The following FBXL6 variants were observed in gnomAD, a reference collection of about 807,000 sequenced individuals.
FBXL6 encodes F-box/LRR-repeat protein 6.
Under a neutral mutation model 53.3 loss-of-function variants are expected in FBXL6, and 50 were observed. The observed-to-expected ratio is 0.94, with a 90% CI of 0.75 to 1.19. The LOEUF (loss-of-function observed/expected upper bound fraction) is 1.19, where lower values mean the gene tolerates loss of function less well. FBXL6 is among the 50% of genes most tolerant of loss of function. FBXL6 has a pLI of 0.00. For synonymous variants in FBXL6, 405 were observed against 322.9 expected, an observed-to-expected ratio of 1.25 and a Z score of -2.73; for missense variants, 815 against 719.0, an observed-to-expected ratio of 1.13 and a Z score of -1.53.
chr8:144,356,436 C>G lies in FBXL6; in HGVS notation c.1089G>C (p.Leu363=), dbSNP rs1554852797. Residue 363 remains leucine (L), a synonymous_variant, in exon 7 of 9, where the codon CTG becomes CTC. Transcript: ENST00000331890. ...TCACAAAGTTGCAGGTTGAGCTCGC[C>G]AGGCAGAGCTCCTCTAGGCTAGGGA... ...PGFPSLEELC[L]ASSTCNFVSN... is the part of the protein sequence containing the mutation. 6.2e-7 allele frequency: 1 copy of G among 1,613,078 alleles called. No homozygotes were observed. Among genetic ancestry groups the G allele is most frequent in the East Asian group, 2.2e-5 (1 of 44,886 alleles).
In FBXL6 at chr8:144,356,545, C is replaced by G; in HGVS notation, c.994-14G>C. On this transcript the variant is annotated splice_polypyrimidine_tract_variant and intron_variant, in intron 6 of 8. Transcript: ENST00000331890. ...CAGCCGCAGCACCTGGGGGCAAGGTCCAGGCTGTAGATGGGGGAGGGTGTG... is the reference window on the plus strand; with the variant it reads ...CAGCCGCAGCACCTGGGGGCAAGGTGCAGGCTGTAGATGGGGGAGGGTGTG... The G allele has an allele frequency of 6.2e-7, 1 of 1,612,922 alleles. No homozygotes were observed. Among genetic ancestry groups the G allele is most frequent in the Non-Finnish European group, 8.5e-7 (1 of 1,179,904 alleles).
Position 144,355,962 on chromosome 8 carries a change from G to A in FBXL6, c.1472+6C>T. 1 of 1,611,144 alleles carries A rather than the reference G, an allele frequency of 6.2e-7. No homozygotes were observed. Among genetic ancestry groups the A allele is most frequent in the African/African-American group, 1.3e-5 (1 of 75,028 alleles). On this transcript the variant is annotated splice_donor_region_variant and intron_variant, in intron 8 of 8. Coordinates refer to ENST00000331890, the MANE Select transcript of FBXL6 (RefSeq NM_012162.4). ...GGCTCCAGGGACTGGGGTAGGGGAT[G>A]CTGACCTGACAGTGCTTGGTGTGAC...
chr8:144,358,016 C>A lies in FBXL6; in HGVS notation c.416+16G>T. On this transcript the variant is annotated intron_variant, in intron 1 of 8. Transcript: ENST00000331890. ...CAAGCCGCTACGCTCGGCGGCGGGC[C>A]CGGCACCAGCGTTACCTGCCCAGGA... The A allele has an allele frequency of 6.3e-7, 1 of 1,581,720 alleles. No individual in the cohort carries two copies. Among genetic ancestry groups the A allele is most frequent in the Non-Finnish European group, 8.5e-7 (1 of 1,171,436 alleles).
Position 144,358,215 on chromosome 8 carries a change from G to A in FBXL6, c.233C>T (p.Ala78Val), listed in dbSNP as rs1238832910. Residue 78 changes from alanine (A) to valine (V), a missense_variant, in exon 1 of 9, where the codon GCG (alanine) becomes GTG (valine). Ala to Val is a moderately conservative substitution (Grantham distance 64). Transcript: ENST00000331890. ...PRQPPRGPSA[A>V]AKPKAGLRSE... ...CCTGAGCCCGGCCTTGGGCTTGGCC[G>A]CGGCGCTGGGGCCCCGGGGCGGCTG... is the stretch of plus-strand genomic sequence containing the variant. 2 of 1,216,840 alleles carry A rather than the reference G, an allele frequency of 1.6e-6. No individual in the cohort carries two copies. Among genetic ancestry groups the A allele is most frequent in the East Asian group, 3.4e-5 (1 of 29,758 alleles). 75.4% of individuals were successfully genotyped at this position (1,216,840 alleles called of 1,614,324 possible).
At position 144,357,797 on chromosome 8, in the gene FBXL6, A is replaced by G; in HGVS notation, c.417-11T>C. 6.5e-7 allele frequency: 1 copy of G among 1,537,248 alleles called. No individual in the cohort carries two copies. The highest frequency in any genetic ancestry group is 8.7e-7 in the Non-Finnish European group (1 of 1,145,038). The stretch of plus-strand genomic sequence containing the variant: ...CACACGCGCGCAGCCCTGGGAGGAC[A>G]GCGTGCTGAGGGTGCCGGCCCCTCC... On this transcript the variant is annotated splice_polypyrimidine_tract_variant and intron_variant, in intron 1 of 8. Coordinates refer to ENST00000331890, the MANE Select transcript of FBXL6 (RefSeq NM_012162.4).
chr8:144,357,526 C>G, intron 2 of FBXL6, 24 bp from the exon 3 acceptor site: 2 of 1,613,126 alleles, frequency 1.2e-6, no homozygotes, highest in East Asian at 2.2e-5. Context: ...GGAGGCAGAG[C>G]TGCACTAATG....
rs1554853119 is a variant in FBXL6, at chr8:144,357,451, G to A, written c.627C>T (p.His209=). 6.2e-7 allele frequency: 1 copy of A among 1,612,986 alleles called. No homozygotes were observed. Among genetic ancestry groups the A allele is most frequent in the Non-Finnish European group, 8.5e-7 (1 of 1,179,718 alleles). Residue 209 remains histidine, a synonymous_variant, in exon 3 of 9, where the codon CAC becomes CAT. Coordinates refer to ENST00000331890, the MANE Select transcript of FBXL6 (RefSeq NM_012162.4). ...CTGGAGCTCTCACCTTCAACACGGG[G>A]TGTACCTGAGACTTCCAGTGGATGA... ...LTLIHWKSQV[H]PVLKLVGECC... is the part of the protein sequence containing the mutation.
chr8:144,355,468 T>G lies in FBXL6; in HGVS notation c.*63A>C. ...TTTATTTTAACAAAATGCTCAAATA[T>G]CTGAAATTGGGCAAAGGTGGAGGGT... is the stretch of plus-strand genomic sequence containing the variant. On this transcript the variant is annotated 3_prime_UTR_variant, in exon 9 of 9. Transcript: ENST00000331890. 6.3e-7 allele frequency: 1 copy of G among 1,578,428 alleles called. No homozygotes were observed. Among genetic ancestry groups the G allele is most frequent in the South Asian group, 1.1e-5 (1 of 89,602 alleles).
chr8:144,356,120 A>G lies in FBXL6; in HGVS notation c.1320T>C (p.His440=), dbSNP rs1367558902. Residue 440 remains histidine, a synonymous_variant, in exon 8 of 9, where the codon CAT becomes CAC. Transcript: ENST00000331890. The stretch of plus-strand genomic sequence containing the variant: ...CACTCAAGTCCAGTTCTCGCAGTGT[A>G]TGGCACCACTTCTGGGTCAAAAAGG... ...GSPFLTQKWC[H]TLRELDLSGQ... The G allele has an allele frequency of 6.2e-7, 1 of 1,612,838 alleles. No individual in the cohort carries two copies. The highest frequency in any genetic ancestry group is 8.5e-7 in the Non-Finnish European group (1 of 1,180,012).
At position 144,358,339 on chromosome 8, in the gene FBXL6, A is replaced by AC; in HGVS notation, c.108dup (p.Tyr37ValfsTer181). On this transcript the variant is annotated frameshift_variant, in exon 1 of 9. Transcript: ENST00000331890. LOFTEE classifies it high-confidence loss of function. ...ATGCTGTCGGACTGCAGCAGGTGGT[A>AC]CCCCGAGCCCCTCGGCGCCAGCCGG... The AC allele has an allele frequency of 7.9e-7, 1 of 1,260,262 alleles. No homozygotes were observed. Among genetic ancestry groups the AC allele is most frequent in the Non-Finnish European group, 1.0e-6 (1 of 1,004,502 alleles). The allele number at this position is 1,260,262 out of a possible 1,614,324, so 78.1% of individuals were successfully genotyped here.
chr8:144,358,165 G>T lies in FBXL6; in HGVS notation c.283C>A (p.Pro95Thr). ...GGCGTGGGCGTGGGTGCCGGTGCGG[G>T]TGCGGGCGCGGCCGCCGCCTCGGAC... ...LRSEAAAAPAPAPAPTPTPEE... is the reference protein window; with the variant it reads ...LRSEAAAAPATAPAPTPTPEE... The change falls in exon 1 of 9, where the codon CCC becomes ACC. Residue 95 changes from proline to threonine, a missense_variant. Transcript: ENST00000331890. 1 of 1,499,390 alleles carries T rather than the reference G, an allele frequency of 6.7e-7. No individual in the cohort carries two copies. Among genetic ancestry groups the T allele is most frequent in the Admixed American group, 2.3e-5 (1 of 44,318 alleles). The allele number at this position is 1,499,390 out of a possible 1,614,324, so 92.9% of individuals were successfully genotyped here. A position where few individuals can be genotyped will look rare whatever the true frequency, so the allele number is the denominator to read the frequency against.
rs782643057 is a variant in FBXL6, at chr8:144,358,150, T to C, written c.298A>G (p.Thr100Ala). 107 of 1,540,386 alleles carry C rather than the reference T, an allele frequency of 6.9e-5. No homozygotes were observed. The highest frequency in any genetic ancestry group is 4.8e-4 in the East Asian group (18 of 37,758). The change falls in exon 1 of 9, where the codon ACG becomes GCG. Residue 100 changes from threonine (T) to alanine (A), a missense_variant. Coordinates refer to ENST00000331890, the MANE Select transcript of FBXL6 (RefSeq NM_012162.4). ...AAAPAPAPAP[T>A]PTPEEGPDAG... ...TCGGGCCCTTCCTCGGGCGTGGGCG[T>C]GGGTGCCGGTGCGGGTGCGGGCGCG...
chr8:144,355,828 A>AC (rs1818375822), intron 8 of FBXL6, 140 bp downstream of exon 8: 1 of 1,521,678 alleles, frequency 6.6e-7, no homozygotes, highest in Non-Finnish European at 8.9e-7. Flanking sequence ...CCTCAGGCCC[A>AC]CCCCACGCAG....
chr8:144,357,261 G>A, intron 3 of FBXL6, 140 bp from the exon 4 acceptor site: 2 of 1,326,714 alleles, frequency 1.5e-6, no homozygotes, highest in East Asian at 2.5e-5. Context: ...GCCTACTTGG[G>A]TGTCCCCGCC....
In FBXL6 at chr8:144,356,203, G is replaced by T; in HGVS notation, c.1237C>A (p.Leu413Ile). Residue 413 changes from leucine (L) to isoleucine (I), a missense_variant, in exon 8 of 9, where the codon CTT (leucine) becomes ATT (isoleucine). Transcript: ENST00000331890. The stretch of plus-strand genomic sequence containing the variant: ...GACGTGCCATACAGGCCCAGATGAA[G>T]CTGCTCCAGCTCTGCAGTGAAAGGA... ...QDLPCRELEQ[L>I]HLGLYGTSDR... 1 of 1,322,376 alleles carries T rather than the reference G, an allele frequency of 7.6e-7. No individual in the cohort carries two copies. 81.9% of individuals were successfully genotyped at this position (1,322,376 alleles called of 1,614,324 possible). A position where few individuals can be genotyped will look rare whatever the true frequency, so the allele number is the denominator to read the frequency against.
At position 144,356,313 on chromosome 8, in the gene FBXL6, A is replaced by T. The variant is rs141500585; in HGVS notation, c.1212T>A (p.Asp404Glu). 567 of 1,612,844 alleles carry T rather than the reference A, an allele frequency of 3.5e-4. 3 individuals carry two copies. The highest frequency in any genetic ancestry group is 5.3e-4 in the Admixed American group (32 of 60,020). The change falls in exon 7 of 9, where the codon GAT becomes GAA. Residue 404 changes from aspartate to glutamate, a missense_variant. Physicochemically the swap from Asp to Glu is conservative, Grantham distance 45. Transcript: ENST00000331890. ...CARITPAGLQ[D>E]LPCRELEQLH... is the part of the protein sequence containing the mutation. ...AGGACTGCTGACCCCGACATGGCAG[A>T]TCCTGAAGGCCAGCCGGCGTGATGC...
chr8:144,356,023 G>C lies in FBXL6; in HGVS notation c.1417C>G (p.Pro473Ala). The C allele has an allele frequency of 6.2e-7, 1 of 1,613,092 alleles. No homozygotes were observed. Among genetic ancestry groups the C allele is most frequent in the Non-Finnish European group, 8.5e-7 (1 of 1,180,004 alleles). Residue 473 changes from proline to alanine, a missense_variant, in exon 8 of 9, where the codon CCA becomes GCA. Coordinates refer to ENST00000331890, the MANE Select transcript of FBXL6 (RefSeq NM_012162.4). ...AFLSTPGGSH[P>A]ALCSLNLRGT... ...CTGAGGTTAAGAGAGCACAGGGCTG[G>C]GTGTGAGCCCCCAGGGGTGCTTAAG...
chr8:144,357,918 G>T, intron 1 of FBXL6, 114 bp downstream of exon 1: 1 of 1,448,956 alleles, frequency 6.9e-7, no homozygotes, highest in Non-Finnish European at 9.0e-7. Context: ...TGCGCTCTCG[G>T]ACTGAGCGGT....
In FBXL6 at chr8:144,356,409, G is replaced by A. The variant is rs199837870; in HGVS notation, c.1116C>T (p.Ser372=). ...CLASSTCNFV[S]NEVLGRLLHG... The stretch of plus-strand genomic sequence containing the variant: ...GGAGTAGGCGGCCCAGGACCTCGTT[G>A]CTCACAAAGTTGCAGGTTGAGCTCG... Residue 372 remains serine (S), a synonymous_variant, in exon 7 of 9, where the codon AGC becomes AGT. Transcript: ENST00000331890. 4.9e-5 allele frequency: 79 copies of A among 1,611,292 alleles called. No individual in the cohort carries two copies. The highest frequency in any genetic ancestry group is 3.3e-4 in the Middle Eastern group (2 of 6,080).
Sources: allele counts gnomAD v4.1 joint callset, GRCh38; gene constraint gnomAD v4.1.1; transcripts MANE v1.5; gene names NCBI Gene and HGNC (gene_info 2026-07-23, HGNC 2026-07-21).